DLG2: variants seen among roughly 807,000 people sequenced by gnomAD.
DLG2 encodes discs large MAGUK scaffold protein 2.
Under a neutral mutation model 132.5 loss-of-function variants are expected in DLG2, and 45 were observed. That is an observed-to-expected ratio of 0.34 (90% CI 0.27 to 0.44). The LOEUF (loss-of-function observed/expected upper bound fraction) is 0.44. DLG2 is among the 20% of genes least tolerant of loss of function. The pLI is 1.00. For missense variants in DLG2, 1,045 were observed against 1,196.9 expected (o/e 0.87, Z 1.87); for synonymous variants, 424 against 419.6 (o/e 1.01, Z -0.13).
chr11:84,317,008 G>C (rs1259761149), intron 7 of DLG2: 1 of 1,612,684 alleles, frequency 6.2e-7, no homozygotes, highest in Non-Finnish European at 8.5e-7. Flanking sequence ...TCTGAGAACT[G>C]TACCCGAGCC....
rs115399921 is a variant in DLG2 at position 85,388,122 on chromosome 11, G to A, written c.41-102757C>T. ...TGGGGGTGTGGGGGCCACAGTGGGA[G>A]TGAGACTGGTCTTTTGGGCTGCAGG... On this transcript the variant is annotated intron_variant, in intron 3 of 27. Transcript: ENST00000376104. 2.3e-3 allele frequency among the ~76,000 whole-genome samples: 354 copies of A among 152,296 alleles called. 1 individual carries two copies. Among genetic ancestry groups the A allele is most frequent in the African/African-American group, 8.1e-3 (337 of 41,570 alleles).
At chr11:84,980,446 C>G (rs565176846) in intron 6 of DLG2, among the ~76,000 whole-genome samples, 3 of 152,068 alleles carry the variant, frequency 2.0e-5, no homozygotes, top group Non-Finnish European at 4.4e-5. Flanking sequence ...CCTATACAGG[C>G]CAATCAACAC....
chr11:84,454,493 A>G (rs866748993), intron 7 of DLG2, among the ~76,000 whole-genome samples: 42 of 151,672 alleles, frequency 2.8e-4, no homozygotes, highest in Admixed American at 7.2e-4. Context: ...ACTCCAAAGC[A>G]TTTAAGCAAG....
At chr11:84,629,897 CT>C (rs1565499500) in intron 6 of DLG2, among the ~76,000 whole-genome samples, 1 of 152,092 alleles carries the variant, frequency 6.6e-6, no homozygotes, top group African/African-American at 2.4e-5. Context: ...AGTTCCTCTA[CT>C]TTTTTCTCAT....
chr11:85,274,619 A>G (rs2077769609), intron 4 of DLG2, among the ~76,000 whole-genome samples: 1 of 152,124 alleles, frequency 6.6e-6, no homozygotes, highest in African/African-American at 2.4e-5. Context: ...CTCTCTCTGA[A>G]CTTGTACTCT....
chr11:85,264,470 G>A (rs1002626091), intron 4 of DLG2, among the ~76,000 whole-genome samples: 5 of 152,102 alleles, frequency 3.3e-5, no homozygotes, highest in African/African-American at 9.7e-5. Context: ...CTAAGATGGG[G>A]TGAAGTCCTA....
rs560619298 is a variant in DLG2 at position 83,624,462 on chromosome 11, C to T, written c.1940+8749G>A. On this transcript the variant is annotated intron_variant, in intron 19 of 27. Transcript: ENST00000376104. ...GCCTTTTATTCCACAATTAAGGATACAACTAAAAATGCAAATCCCTGAAAG... is the reference window on the plus strand; with the variant it reads ...GCCTTTTATTCCACAATTAAGGATATAACTAAAAATGCAAATCCCTGAAAG... 2.2e-4 allele frequency among the ~76,000 whole-genome samples: 34 copies of T among 152,238 alleles called. No homozygotes were observed. In the South Asian group the frequency reaches 6.8e-3, roughly 31 times the overall value.
intron 3 of DLG2, among the ~76,000 whole-genome samples, chr11:85,561,052 A>G (rs1231933837): frequency 6.7e-6 from 1 of 149,976 alleles, no homozygotes; most frequent in African/African-American, 2.5e-5. Context: ...AATAATAAAA[A>G]TAAACACTGT....
chr11:85,027,829 C>A (rs948739112), intron 6 of DLG2, among the ~76,000 whole-genome samples: 1 of 152,222 alleles, frequency 6.6e-6, no homozygotes, highest in Non-Finnish European at 1.5e-5. Context: ...TGGGGAGCCC[C>A]TAGGTCTGGG....
Position 84,565,039 on chromosome 11 carries a change from C to T in DLG2, c.358-30308G>A, listed in dbSNP as rs556588738. Among the ~76,000 whole-genome samples, 8 of 152,260 alleles carry T rather than the reference C, an allele frequency of 5.3e-5. No individual in the cohort carries two copies. In the East Asian group the frequency reaches 1.5e-3, roughly 29 times the overall value. ...TCTGTGTATCACTACATTTTAAATTCTTCCTGATATTACTCCTTCCTGATA... is the reference window on the plus strand; with the variant it reads ...TCTGTGTATCACTACATTTTAAATTTTTCCTGATATTACTCCTTCCTGATA... On this transcript the variant is annotated intron_variant, in intron 6 of 27. Coordinates refer to ENST00000376104, the MANE Select transcript of DLG2 (RefSeq NM_001142699.3).
intron 6 of DLG2, among the ~76,000 whole-genome samples, chr11:84,883,029 A>G (rs2087609196): frequency 6.6e-6 from 1 of 152,136 alleles, no homozygotes; most frequent in African/African-American, 2.4e-5. Context: ...CTGCAGCACT[A>G]TTCACAATAG....
At chr11:85,373,573 C>T (rs1239701043) in intron 3 of DLG2, among the ~76,000 whole-genome samples, 2 of 152,088 alleles carry the variant, frequency 1.3e-5, no homozygotes, top group African/African-American at 2.4e-5. Context: ...GGGGTGGAGC[C>T]TCAGGAAGTT....
intron 10 of DLG2, among the ~76,000 whole-genome samples, chr11:84,061,090 T>C (rs1203751927): frequency 1.3e-5 from 2 of 152,210 alleles, no homozygotes; most frequent in Non-Finnish European, 2.9e-5. Context: ...GTTCAGGGGA[T>C]CTTTCCTTAG....
intron 18 of DLG2, among the ~76,000 whole-genome samples, chr11:83,676,478 G>A (rs1375367370): frequency 6.6e-6 from 1 of 152,144 alleles, no homozygotes; most frequent in Non-Finnish European, 1.5e-5. Flanking sequence ...TTTAACTGCT[G>A]TATTTTCAGA....
intron 7 of DLG2, among the ~76,000 whole-genome samples, chr11:84,444,770 T>G (rs2099028030): frequency 1.3e-5 from 2 of 152,014 alleles, no homozygotes; most frequent in African/African-American, 4.8e-5. Context: ...ACTTTTATAG[T>G]ATCTGCAAAA....
chr11:83,699,558 A>G (rs536210937), intron 18 of DLG2, among the ~76,000 whole-genome samples: 4 of 150,318 alleles, frequency 2.7e-5, no homozygotes, highest in African/African-American at 9.8e-5. Context: ...AAAAAAAAAA[A>G]AACTAGCCGG....
At chr11:84,376,350 G>A (rs1349323242) in intron 7 of DLG2, among the ~76,000 whole-genome samples, 1 of 151,898 alleles carries the variant, frequency 6.6e-6, no homozygotes, top group African/African-American at 2.4e-5. Flanking sequence ...GAGGTGAAGG[G>A]ATGAAATATT....
intron 6 of DLG2, among the ~76,000 whole-genome samples, chr11:85,097,530 A>T (rs2070069037): frequency 6.6e-6 from 1 of 152,258 alleles, no homozygotes; most frequent in African/African-American, 2.4e-5. Flanking sequence ...GTGATGAGCT[A>T]TAGAAGACTC....
At chr11:84,685,830 C>T (rs1454591541) in intron 6 of DLG2, among the ~76,000 whole-genome samples, 1 of 152,034 alleles carries the variant, frequency 6.6e-6, no homozygotes, top group Non-Finnish European at 1.5e-5. Flanking sequence ...CTCAGCCTCC[C>T]GAGCAGCTGG....
Sources: gnomAD v4.1 joint callset for allele counts (sites outside exome capture counted in the v4.1 genomes callset) on GRCh38, gnomAD v4.1.1 for gene constraint, MANE v1.5 for transcripts, NCBI Gene and HGNC (gene_info 2026-07-23, HGNC 2026-07-21) for gene names.